UBN1: variants seen among roughly 807,000 people sequenced by gnomAD.
The protein encoded by UBN1 is ubinuclein-1.
Under a neutral mutation model 108.5 loss-of-function variants are expected in UBN1, and 17 were observed. The observed-to-expected ratio is 0.16, with a 90% CI of 0.11 to 0.24. The LOEUF is 0.24. Among genes scored for constraint, UBN1 ranks in the 10% least tolerant of loss-of-function variants. The pLI is 1.00. For missense variants in UBN1, 1,595 were observed against 1,394.4 expected, an observed-to-expected ratio of 1.14 and a Z score of -2.29; for synonymous variants, 726 against 564.2, an observed-to-expected ratio of 1.29 and a Z score of -4.07.
Position 4,857,977 on chromosome 16 carries a change from G to C in UBN1, c.250-13G>C, listed in dbSNP as rs781036501. 1 of 1,589,172 alleles carries C rather than the reference G, an allele frequency of 6.3e-7. No homozygotes were observed. The highest frequency in any genetic ancestry group is 1.8e-5 in the Admixed American group (1 of 56,062). On this transcript the variant is annotated splice_polypyrimidine_tract_variant and intron_variant, in intron 2 of 17. Transcript: ENST00000262376. ...TTTTCTGACTTATTTTTTGTGGAAC[G>C]ATCTCTTTACAGAAGAAAGATCTGT...
At chr16:4,869,333 C>T (rs1038727921) in intron 8 of UBN1, among the ~76,000 whole-genome samples, 1 of 152,250 alleles carries the variant, frequency 6.6e-6, no homozygotes, top group South Asian at 2.1e-4. Context: ...CGCTGGCACT[C>T]CTGTTCCTAG....
chr16:4,854,666 G>A (rs991789000), intron 2 of UBN1, among the ~76,000 whole-genome samples: 5 of 150,760 alleles, frequency 3.3e-5, no homozygotes, highest in South Asian at 2.1e-4. Flanking sequence ...GCACCTGGCC[G>A]TGTTTTTGTA....
At chr16:4,860,590 A>T in intron 6 of UBN1, 74 bp from the exon 7 acceptor site, 1 of 1,433,876 alleles carries the variant, frequency 7.0e-7, no homozygotes, top group South Asian at 1.4e-5. Flanking sequence ...CCCTGGGAGC[A>T]GGGGTGAAGG....
At chr16:4,869,576 A>G (rs1427243730) in intron 8 of UBN1, among the ~76,000 whole-genome samples, 1 of 152,198 alleles carries the variant, frequency 6.6e-6, no homozygotes, top group Non-Finnish European at 1.5e-5. Flanking sequence ...AACAGTTGTC[A>G]AAATGTGGGT....
At position 4,858,362 on chromosome 16, in the gene UBN1, G is replaced by A. The variant is rs543090272; in HGVS notation, c.337-206G>A. On this transcript the variant is annotated intron_variant, in intron 3 of 17. Transcript: ENST00000262376. ...AAGAAGCCATTTAGTTCATTTTTCTGTCCTAGGACATTTTATACAGGTACA... is the reference window on the plus strand; with the variant it reads ...AAGAAGCCATTTAGTTCATTTTTCTATCCTAGGACATTTTATACAGGTACA... Among the ~76,000 whole-genome samples, 169 of 152,272 alleles carry A rather than the reference G, an allele frequency of 1.1e-3. 1 individual carries two copies. The highest frequency in any genetic ancestry group is 3.8e-3 in the African/African-American group (159 of 41,542).
chr16:4,876,916 G>C lies in UBN1; in HGVS notation c.3070G>C (p.Ala1024Pro). 6.2e-7 allele frequency: 1 copy of C among 1,613,832 alleles called. No individual in the cohort carries two copies. Among genetic ancestry groups the C allele is most frequent in the South Asian group, 1.1e-5 (1 of 91,052 alleles). Residue 1024 changes from alanine to proline, a missense_variant, in exon 16 of 18, where the codon GCT becomes CCT. Ala to Pro is a conservative substitution (Grantham distance 27). Transcript: ENST00000262376. ...TVLLAGSSLM[A>P]SPYKSSSPKL... ...GCTGCTGGCCGGCTCCTCTTTGATG[G>C]CTTCACCCTACAAATCCAGCAGCCC...
At chr16:4,863,439 G>A (rs2087164822) in intron 7 of UBN1, among the ~76,000 whole-genome samples, 1 of 151,956 alleles carries the variant, frequency 6.6e-6, no homozygotes, top group African/African-American at 2.4e-5. Context: ...TACTCAAATT[G>A]CTTATGATTC....
chr16:4,858,471 C>A (rs2142156069), intron 3 of UBN1, 97 bp from the exon 4 acceptor site: 2 of 1,058,446 alleles, frequency 1.9e-6, no homozygotes, highest in Non-Finnish European at 2.8e-6. Context: ...TTAGTTAGTG[C>A]ATTACCTCTT....
At chr16:4,850,033 AGT>A (rs753120836) in intron 1 of UBN1, among the ~76,000 whole-genome samples, 1 of 151,922 alleles carries the variant, frequency 6.6e-6, no homozygotes, top group African/African-American at 2.4e-5. Flanking sequence ...GATAAATGTA[AGT>A]TTTTTTTAAG....
chr16:4,857,922 G>C (rs2086887061), intron 2 of UBN1, 68 bp from the exon 3 acceptor site: 1 of 1,202,188 alleles, frequency 8.3e-7, no homozygotes, highest in Non-Finnish European at 1.2e-6. Context: ...AGTAATCAGT[G>C]AAGTTTCTAT....
intron 2 of UBN1, among the ~76,000 whole-genome samples, chr16:4,857,090 C>T (rs569378307): frequency 2.6e-5 from 4 of 152,126 alleles, no homozygotes; most frequent in African/African-American, 7.2e-5. Context: ...GCCTGTAATC[C>T]CAGCACTTTG....
intron 12 of UBN1, among the ~76,000 whole-genome samples, 185 bp downstream of exon 12, chr16:4,871,486 A>G (rs1227899444): frequency 6.7e-6 from 1 of 149,304 alleles, no homozygotes; most frequent in Non-Finnish European, 1.5e-5. Flanking sequence ...TCTTCCCTGG[A>G]GGAAGGGAAG....
chr16:4,858,726 C>A, intron 4 of UBN1, 63 bp downstream of exon 4: 1 of 1,515,270 alleles, frequency 6.6e-7, no homozygotes, highest in Non-Finnish European at 9.2e-7. Flanking sequence ...CTGATACTGA[C>A]CAGGAAGCTG....
At chr16:4,872,393 C>T (rs1264447690) in intron 12 of UBN1, 1 of 983,222 alleles carries the variant, frequency 1.0e-6, no homozygotes, top group Non-Finnish European at 1.2e-6. Context: ...GCCAGTGTGT[C>T]CCATTGAGAT....
At chr16:4,859,252 C>T in intron 5 of UBN1, 93 bp downstream of exon 5, 2 of 1,521,176 alleles carry the variant, frequency 1.3e-6, no homozygotes, top group South Asian at 1.3e-5. Context: ...TGGCGCTTGG[C>T]CGGCTCAGGA....
Position 4,859,986 on chromosome 16 carries a change from C to G in UBN1, c.671+18C>G, listed in dbSNP as rs758196390. ...AAAGCCGGGTGAGAGGCAGCAGCTT[C>G]TTTGCTAGGATAAAGCCTGAACTGT... On this transcript the variant is annotated intron_variant, in intron 6 of 17. Coordinates refer to ENST00000262376, the MANE Select transcript of UBN1 (RefSeq NM_001079514.3). The G allele has an allele frequency of 1.2e-6, 2 of 1,613,814 alleles. No homozygotes were observed. The highest frequency in any genetic ancestry group is 4.5e-5 in the East Asian group (2 of 44,880).
At chr16:4,878,191 C>T (rs926040912) in intron 17 of UBN1, among the ~76,000 whole-genome samples, 1 of 152,164 alleles carries the variant, frequency 6.6e-6, no homozygotes, top group Non-Finnish European at 1.5e-5. Flanking sequence ...GTCTGCCTCA[C>T]CCTATCCCGA....
chr16:4,871,231 G>C lies in UBN1; in HGVS notation c.1636G>C (p.Glu546Gln). The C allele has an allele frequency of 6.2e-7, 1 of 1,614,246 alleles. No homozygotes were observed. The highest frequency in any genetic ancestry group is 1.1e-5 in the South Asian group (1 of 91,086). ...LERNNKAQAW[E>Q]DCVKGFLDAE... ...GAGGAACAACAAAGCCCAGGCTTGG[G>C]AGGACTGTGTGAAGGGCTTTCTGGA... The change falls in exon 12 of 18, where the codon GAG becomes CAG. Residue 546 changes from glutamate to glutamine, a missense_variant. By Grantham distance (29) the Glu-to-Gln change is conservative. This residue lies in a region of UBN1 where 1,398 missense variants were observed against 1,194.7 expected (regional missense o/e 1.17). Transcript: ENST00000262376.
In UBN1 at chr16:4,874,904, G is replaced by A. The variant is rs146192777; in HGVS notation, c.2494G>A (p.Ala832Thr). 1.5e-5 allele frequency: 24 copies of A among 1,613,974 alleles called. No individual in the cohort carries two copies. The African/African-American group carries it at 2.5e-4, about 17-fold the overall frequency. Residue 832 changes from alanine to threonine, a missense_variant, in exon 15 of 18, where the codon GCT becomes ACT. Around this residue, in one of 3 missense-constraint regions of UBN1, gnomAD observed 1,398 missense variants for 1,194.7 expected, o/e 1.17. Transcript: ENST00000262376. Reference sequence around the variant, plus strand: ...TGCCAATAAGCTCCAAGGCCCAAAGGCTTCTCCCACACAGTGTCATCGTTC... The same window carrying A: ...TGCCAATAAGCTCCAAGGCCCAAAGACTTCTCCCACACAGTGTCATCGTTC... ...PFANKLQGPK[A>T]SPTQCHRSLL...
Sources: gnomAD v4.1 joint callset for allele counts (sites outside exome capture counted in the v4.1 genomes callset) on GRCh38, gnomAD v4.1.1 for gene constraint, gnomAD v4.1.1 regional missense constraint, MANE v1.5 for transcripts, NCBI Gene and HGNC (gene_info 2026-07-23, HGNC 2026-07-21) for gene names.